Variants in UNC93A observed in about 807,000 individuals in gnomAD.
UNC93A encodes unc-93 homolog A, also known as N-acetylglucosamine transporter UNC93A.
In UNC93A, 43 loss-of-function variants were observed where a neutral mutation model predicts 47.5. The ratio of observed to expected loss-of-function variants is 0.91; its 90% CI spans 0.71 to 1.17. The LOEUF (loss-of-function observed/expected upper bound fraction) is 1.17. Among genes scored for constraint, UNC93A ranks in the 50% most tolerant of loss-of-function variants. UNC93A has a pLI of 0.00. For synonymous variants in UNC93A, 280 were observed against 258.0 expected, an observed-to-expected ratio of 1.09 and a Z score of -0.82; for missense variants, 605 against 577.6, an observed-to-expected ratio of 1.05 and a Z score of -0.49.
At chr6:167,299,550 C>T (rs1039448441) in intron 4 of UNC93A, among the ~76,000 whole-genome samples, 3 of 152,202 alleles carry the variant, frequency 2.0e-5, no homozygotes, top group African/African-American at 7.2e-5. Flanking sequence ...ACTAGAAGCT[C>T]GCCTTTAGTA....
At chr6:167,271,840 T>A (rs1308001405) in intron 1 of UNC93A, among the ~76,000 whole-genome samples, 1 of 151,868 alleles carries the variant, frequency 6.6e-6, no homozygotes, top group Non-Finnish European at 1.5e-5. Context: ...TTTAGAGGAG[T>A]GACAAGACAA....
At chr6:167,301,808 T>G (rs1778247695) in intron 4 of UNC93A, among the ~76,000 whole-genome samples, 1 of 152,090 alleles carries the variant, frequency 6.6e-6, no homozygotes, top group African/African-American at 2.4e-5. Context: ...AAATGTGCCT[T>G]TTCCACATGG....
chr6:167,275,657 C>T (rs1387786014), intron 1 of UNC93A, among the ~76,000 whole-genome samples: 1 of 152,258 alleles, frequency 6.6e-6, no homozygotes, highest in African/African-American at 2.4e-5. Flanking sequence ...CATGTCCCAG[C>T]AGGCTGGCTG....
chr6:167,276,287 C>T (rs1222291007), intron 1 of UNC93A, among the ~76,000 whole-genome samples: 2 of 151,630 alleles, frequency 1.3e-5, no homozygotes, highest in African/African-American at 4.9e-5. Flanking sequence ...CATATCTTGG[C>T]TATTGTGACA....
At chr6:167,285,373 C>T (rs1783708676) in intron 1 of UNC93A, among the ~76,000 whole-genome samples, 1 of 151,866 alleles carries the variant, frequency 6.6e-6, no homozygotes. Context: ...GGCCCAATCC[C>T]ACTGTGTGCT....
upstream of UNC93A, among the ~76,000 whole-genome samples, chr6:167,286,469 G>A (rs988737877): frequency 3.3e-5 from 5 of 152,342 alleles, no homozygotes; most frequent in East Asian, 7.7e-4. Context: ...TAGAAGCCAC[G>A]CGCTGCAATA....
chr6:167,310,362 A>G (rs1448812666), intron 7 of UNC93A, among the ~76,000 whole-genome samples: 5 of 152,298 alleles, frequency 3.3e-5, no homozygotes, highest in Non-Finnish European at 7.3e-5. Flanking sequence ...TTCCTGAGCT[A>G]TGTGAACAGT....
At chr6:167,303,482 T>G (rs965590464) in intron 4 of UNC93A, among the ~76,000 whole-genome samples, 1 of 152,118 alleles carries the variant, frequency 6.6e-6, no homozygotes, top group Admixed American at 6.5e-5. Context: ...AATTGTTTAT[T>G]TGAAATAAAC....
chr6:167,305,919 A>G lies in UNC93A; in HGVS notation c.845A>G (p.Tyr282Cys), dbSNP rs369991902. Residue 282 changes from tyrosine (Y) to cysteine (C), a missense_variant, in exon 6 of 8, where the codon TAT becomes TGT. Transcript: ENST00000230256. ...GCTCTGCACCCCTCTCCCCAGTCCT[A>G]TGTCACCTGCACCCTGGGCATCCAG... is the stretch of plus-strand genomic sequence containing the variant. ...GFLSSEYTRS[Y>C]VTCTLGIQFV... 2.5e-6 allele frequency: 4 copies of G among 1,613,946 alleles called. No individual in the cohort carries two copies. Among genetic ancestry groups the G allele is most frequent in the East Asian group, 2.2e-5 (1 of 44,870 alleles).
At chr6:167,281,244 A>AAG (rs1161723140) in intron 1 of UNC93A, among the ~76,000 whole-genome samples, 1 of 150,776 alleles carries the variant, frequency 6.6e-6, no homozygotes, top group Non-Finnish European at 1.5e-5. Context: ...AGAGAAGCCT[A>AAG]AGGAGGTCAT....
At chr6:167,310,821 C>T (rs1251216760) in intron 7 of UNC93A, among the ~76,000 whole-genome samples, 3 of 152,186 alleles carry the variant, frequency 2.0e-5, no homozygotes, top group Admixed American at 2.0e-4. Context: ...GCAGAGGTTG[C>T]AGTGAGCTGA....
chr6:167,281,628 G>A (rs1783635696), intron 1 of UNC93A, among the ~76,000 whole-genome samples: 7 of 152,314 alleles, frequency 4.6e-5, no homozygotes, highest in South Asian at 4.1e-4. Flanking sequence ...TGTGTGTGGT[G>A]AGGGGAGATT....
At chr6:167,291,616 C>T (rs1402607046) in intron 1 of UNC93A, 40 bp downstream of exon 1, 3 of 1,538,322 alleles carry the variant, frequency 2.0e-6, no homozygotes, top group East Asian at 2.3e-5. Context: ...AACTTCTTGG[C>T]CTCCAAGAAT....
At chr6:167,272,715 A>G (rs748710735) in intron 1 of UNC93A, among the ~76,000 whole-genome samples, 4 of 152,232 alleles carry the variant, frequency 2.6e-5, no homozygotes, top group Non-Finnish European at 5.9e-5. Context: ...TCTGGTTGAC[A>G]ATCAGTTGAG....
At chr6:167,284,670 C>CACAGGATAT (rs1298943415) in intron 1 of UNC93A, among the ~76,000 whole-genome samples, 1 of 152,300 alleles carries the variant, frequency 6.6e-6, no homozygotes, top group African/African-American at 2.4e-5. Flanking sequence ...GTAAGAAAAA[C>CACAGGATAT]ACAGGATATT....
At chr6:167,291,655 G>A (rs1783844382) in intron 1 of UNC93A, 79 bp downstream of exon 1, 2 of 1,367,832 alleles carry the variant, frequency 1.5e-6, no homozygotes, top group Non-Finnish European at 2.0e-6. Flanking sequence ...TAATGAATTG[G>A]AAATTTGAAA....
chr6:167,281,290 C>T (rs1178207812), intron 1 of UNC93A, among the ~76,000 whole-genome samples: 1 of 152,088 alleles, frequency 6.6e-6, no homozygotes, highest in East Asian at 1.9e-4. Context: ...GGATGCCCAC[C>T]AAGGGGAGAC....
At chr6:167,306,191 C>A in intron 6 of UNC93A, 141 bp downstream of exon 6, 2 of 1,181,686 alleles carry the variant, frequency 1.7e-6, no homozygotes, top group South Asian at 1.5e-5. Flanking sequence ...TGCATTCATT[C>A]TTTCAGTCCT....
intron 7 of UNC93A, 107 bp downstream of exon 7, chr6:167,308,017 G>A (rs1778451127): frequency 2.0e-5 from 30 of 1,464,840 alleles, no homozygotes; most frequent in Non-Finnish European, 2.7e-5. Flanking sequence ...CAAGAGAGAT[G>A]AGTTGGGAGA....
Sources: allele counts gnomAD v4.1 joint callset (sites outside exome capture counted in the v4.1 genomes callset), GRCh38; gene constraint gnomAD v4.1.1; transcripts MANE v1.5; gene names NCBI Gene and HGNC (gene_info 2026-07-23, HGNC 2026-07-21).